Variants in GALNT17 observed in about 807,000 individuals in gnomAD.
The protein encoded by GALNT17 is polypeptide N-acetylgalactosaminyltransferase 17.
Under a neutral mutation model 63.7 loss-of-function variants are expected in GALNT17, and 29 were observed. The ratio of observed to expected loss-of-function variants is 0.46; its 90% CI spans 0.34 to 0.62. The LOEUF is 0.62. Ranked by LOEUF, GALNT17 falls within the 20% of genes least tolerant of loss-of-function variation. The probability of loss-of-function intolerance (pLI) is 0.01; values close to 1 mark genes in which losing one functional copy is unlikely to be tolerated. For synonymous variants in GALNT17, 305 were observed against 318.3 expected, an observed-to-expected ratio of 0.96 and a Z score of 0.45; for missense variants, 603 against 799.6, an observed-to-expected ratio of 0.75 and a Z score of 2.97.
intron 1 of GALNT17, among the ~76,000 whole-genome samples, chr7:71,243,139 A>C (rs1790029997): frequency 1.3e-5 from 2 of 152,038 alleles, no homozygotes; most frequent in South Asian, 4.2e-4. Context: ...GTGATTTCTC[A>C]CGAGATCTGA....
intron 3 of GALNT17, among the ~76,000 whole-genome samples, chr7:71,412,660 T>A (rs1331434264): frequency 6.6e-6 from 1 of 152,216 alleles, no homozygotes; most frequent in Non-Finnish European, 1.5e-5. Flanking sequence ...TTCAGCTGCC[T>A]ACCCCAGAAT....
intron 6 of GALNT17, among the ~76,000 whole-genome samples, chr7:71,663,775 T>C (rs1790942484): frequency 6.6e-6 from 1 of 152,224 alleles, no homozygotes. Flanking sequence ...GAAGGGGGTA[T>C]GTAGACACTC....
chr7:71,447,601 G>C (rs923585619), intron 5 of GALNT17, among the ~76,000 whole-genome samples: 1 of 152,102 alleles, frequency 6.6e-6, no homozygotes, highest in South Asian at 2.1e-4. Flanking sequence ...CCCCAGAATA[G>C]CTGAATGGAA....
chr7:71,331,374 G>C (rs1402954222), intron 1 of GALNT17, among the ~76,000 whole-genome samples: 1 of 152,006 alleles, frequency 6.6e-6, no homozygotes, highest in Non-Finnish European at 1.5e-5. Context: ...CTCAGAGCCC[G>C]GCCTTTATCC....
chr7:71,545,898 G>GATGAGCC (rs1366965184), intron 5 of GALNT17, among the ~76,000 whole-genome samples: 1 of 152,170 alleles, frequency 6.6e-6, no homozygotes, highest in Non-Finnish European at 1.5e-5. Flanking sequence ...ACTCCTAGGT[G>GATGAGCC]TCATCTTCTG....
intron 1 of GALNT17, among the ~76,000 whole-genome samples, chr7:71,167,566 T>C (rs1788465469): frequency 6.6e-6 from 1 of 152,220 alleles, no homozygotes; most frequent in African/African-American, 2.4e-5. Flanking sequence ...CTCTTAATAG[T>C]GCCCTTCAGA....
At chr7:71,551,773 A>G (rs1789080915) in intron 5 of GALNT17, among the ~76,000 whole-genome samples, 1 of 45,122 alleles carries the variant, frequency 2.2e-5, no homozygotes, top group Non-Finnish European at 6.9e-5. Flanking sequence ...AAAAAAAAAA[A>G]GAGAGAGAGA....
chr7:71,251,127 C>T (rs556754259), intron 1 of GALNT17, among the ~76,000 whole-genome samples: 1 of 152,088 alleles, frequency 6.6e-6, no homozygotes, highest in African/African-American at 2.4e-5. Flanking sequence ...ATTAACTCAT[C>T]ATTTACGTTA....
chr7:71,420,844 G>A, intron 4 of GALNT17, 64 bp from the exon 5 acceptor site: 5 of 1,577,886 alleles, frequency 3.2e-6, no homozygotes, highest in Non-Finnish European at 4.4e-6. Context: ...CATTCCGTGT[G>A]GTCTTGGGAG....
chr7:71,521,974 C>T (rs762841586), intron 5 of GALNT17, among the ~76,000 whole-genome samples: 7 of 152,164 alleles, frequency 4.6e-5, no homozygotes, highest in Non-Finnish European at 1.0e-4. Flanking sequence ...GTCCACATGT[C>T]TCATTTTTAC....
chr7:71,437,281 A>T (rs1265202127), intron 5 of GALNT17, among the ~76,000 whole-genome samples: 1 of 152,158 alleles, frequency 6.6e-6, no homozygotes, highest in Non-Finnish European at 1.5e-5. Context: ...AACTACCTAA[A>T]GTTATGCAAA....
In GALNT17 at chr7:71,215,887, G is replaced by A. The variant is rs146425578; in HGVS notation, c.238+82847G>A. On this transcript the variant is annotated intron_variant, in intron 1 of 10. Coordinates refer to ENST00000333538, the MANE Select transcript of GALNT17 (RefSeq NM_022479.3). ...GATAGGTCATACGTATTGATATTTTGCATATTAGAAATTTAAACAGAAAAA... is the reference window on the plus strand; with the variant it reads ...GATAGGTCATACGTATTGATATTTTACATATTAGAAATTTAAACAGAAAAA... Among the ~76,000 whole-genome samples the A allele has an allele frequency of 7.6e-4, 115 of 152,156 alleles. 1 individual carries two copies. The highest frequency in any genetic ancestry group is 2.6e-3 in the African/African-American group (106 of 41,506).
At chr7:71,711,434 T>C (rs1227988989) in intron 10 of GALNT17, among the ~76,000 whole-genome samples, 3 of 152,064 alleles carry the variant, frequency 2.0e-5, no homozygotes, top group Non-Finnish European at 4.4e-5. Flanking sequence ...TGGAATTGAT[T>C]CTCTGCAAGA....
intron 2 of GALNT17, among the ~76,000 whole-genome samples, chr7:71,374,198 GCAGGAGCTTTGGAGT>G (rs1482397440): frequency 1.3e-5 from 2 of 152,162 alleles, no homozygotes; most frequent in Non-Finnish European, 2.9e-5. Flanking sequence ...CTTTTCAGAA[GCAGGAGCTTTGGAGT>G]CAGGTAGATA....
chr7:71,458,527 C>T (rs1787394664), intron 5 of GALNT17, among the ~76,000 whole-genome samples: 1 of 152,198 alleles, frequency 6.6e-6, no homozygotes, highest in Non-Finnish European at 1.5e-5. Context: ...GCTCTGCTAC[C>T]TACAGATGGC....
chr7:71,689,529 A>G (rs1009405163), intron 9 of GALNT17, among the ~76,000 whole-genome samples: 6 of 152,210 alleles, frequency 3.9e-5, no homozygotes, highest in African/African-American at 1.4e-4. Context: ...CTTCAATTCT[A>G]TGAAGGCTGA....
intron 2 of GALNT17, among the ~76,000 whole-genome samples, chr7:71,349,276 A>C (rs1382899238): frequency 6.6e-6 from 1 of 152,180 alleles, no homozygotes; most frequent in African/African-American, 2.4e-5. Flanking sequence ...GGGGTTATAA[A>C]TCAGGCTTCT....
chr7:71,142,941 CAAAA>C (rs58537746), intron 1 of GALNT17, among the ~76,000 whole-genome samples: 15 of 123,294 alleles, frequency 1.2e-4, no homozygotes, highest in Non-Finnish European at 1.7e-4. Flanking sequence ...ACTCTTGTCT[CAAAA>C]AAAAAAAAAA....
At position 71,713,028 on chromosome 7, in the gene GALNT17, T is replaced by A. The variant is rs1421219338; in HGVS notation, c.*882T>A. ...CAAAGGCTGCCAGGACCCTTGAAGATGCTTTTGGCTCACCTCATTTCACCC... is the reference window on the plus strand; with the variant it reads ...CAAAGGCTGCCAGGACCCTTGAAGAAGCTTTTGGCTCACCTCATTTCACCC... On this transcript the variant is annotated 3_prime_UTR_variant, in exon 11 of 11. Coordinates refer to ENST00000333538, the MANE Select transcript of GALNT17 (RefSeq NM_022479.3). 1 of 152,648 alleles carries A rather than the reference T, an allele frequency of 6.6e-6. No homozygotes were observed. The highest frequency in any genetic ancestry group is 1.5e-5 in the Non-Finnish European group (1 of 68,064). 9.5% of individuals were successfully genotyped at this position (152,648 alleles called of 1,614,324 possible).
Sources: allele counts gnomAD v4.1 joint callset (sites outside exome capture counted in the v4.1 genomes callset), GRCh38; gene constraint gnomAD v4.1.1; transcripts MANE v1.5; gene names NCBI Gene and HGNC (gene_info 2026-07-23, HGNC 2026-07-21).